The following KCNQ2 variants were observed in gnomAD, a reference collection of about 807,000 sequenced individuals.
The protein encoded by KCNQ2 is potassium voltage-gated channel subfamily Q member 2, also known as potassium voltage-gated channel subfamily KQT member 2.
Under a neutral mutation model 84.8 loss-of-function variants are expected in KCNQ2, and 14 were observed. The observed-to-expected ratio is 0.17, with a 90% CI of 0.11 to 0.26. The LOEUF is 0.26. Among genes scored for constraint, KCNQ2 ranks in the 10% least tolerant of loss-of-function variants. The pLI, the probability that KCNQ2 is intolerant of heterozygous loss-of-function variation, is 1.00. For missense variants in KCNQ2, 788 were observed against 1,254.0 expected, an observed-to-expected ratio of 0.63 and a Z score of 5.61; for synonymous variants, 599 against 554.1, an observed-to-expected ratio of 1.08 and a Z score of -1.14.
At chr20:63,420,855 G>C (rs1320814499) in intron 11 of KCNQ2, among the ~76,000 whole-genome samples, 1 of 152,132 alleles carries the variant, frequency 6.6e-6, no homozygotes, top group Non-Finnish European at 1.5e-5. Context: ...AAGGGATGTA[G>C]TGCAAAGGCT....
intron 4 of KCNQ2, among the ~76,000 whole-genome samples, 179 bp from the exon 5 acceptor site, chr20:63,442,710 C>CCATTAT (rs1568933929): frequency 8.5e-5 from 4 of 46,992 alleles, no homozygotes; most frequent in Non-Finnish European, 1.4e-4. Context: ...ATCACCATCA[C>CCATTAT]CACCACCACC....
In KCNQ2 at chr20:63,416,695, G is replaced by A. The variant is rs905449100; in HGVS notation, c.1302-1569C>T. Among the ~76,000 whole-genome samples, 3 of 152,124 alleles carry A rather than the reference G, an allele frequency of 2.0e-5. No homozygotes were observed. The South Asian group carries it at 6.2e-4, about 32-fold the overall frequency. On this transcript the variant is annotated intron_variant, in intron 12 of 16. Transcript: ENST00000359125. ...CCACGGCGGCTCCCCAGCCAACAGCGAGGGACTGAGGCCCCGGTCAGCAGC... is the reference window on the plus strand; with the variant it reads ...CCACGGCGGCTCCCCAGCCAACAGCAAGGGACTGAGGCCCCGGTCAGCAGC...
At position 63,472,405 on chromosome 20, in the gene KCNQ2, A is replaced by G; in HGVS notation, c.59T>C (p.Leu20Pro). 1 of 1,538,964 alleles carries G rather than the reference A, an allele frequency of 6.5e-7. No homozygotes were observed. Among genetic ancestry groups the G allele is most frequent in the Non-Finnish European group, 8.7e-7 (1 of 1,146,394 alleles). ...GTCCAGCCCCACGAAGCCCACCTTCAGCTTCTTCTCCCCGCTCGGGCCGGG... is the reference window on the plus strand; with the variant it reads ...GTCCAGCCCCACGAAGCCCACCTTCGGCTTCTTCTCCCCGCTCGGGCCGGG... ...VYPGPSGEKK[L>P]KVGFVGLDPG... is the part of the protein sequence containing the mutation. The change falls in exon 1 of 17, where the codon CTG (leucine) becomes CCG (proline). Residue 20 changes from leucine to proline, a missense_variant. Coordinates refer to ENST00000359125, the MANE Select transcript of KCNQ2 (RefSeq NM_172107.4).
At chr20:63,435,832 G>A (rs2080977426) in intron 7 of KCNQ2, among the ~76,000 whole-genome samples, 1 of 152,168 alleles carries the variant, frequency 6.6e-6, no homozygotes, top group Non-Finnish European at 1.5e-5. Context: ...TCTCAGCCAG[G>A]GAGAGCTTCC....
At position 63,413,586 on chromosome 20, in the gene KCNQ2, A is replaced by G. The variant is rs1416947746; in HGVS notation, c.1632-5T>C. The G allele has an allele frequency of 1.0e-5, 11 of 1,072,932 alleles. No homozygotes were observed. The highest frequency in any genetic ancestry group is 2.4e-5 in the East Asian group (1 of 41,134). The allele number at this position is 1,072,932 out of a possible 1,614,324, so 66.5% of individuals were successfully genotyped here. A position where few individuals can be genotyped will look rare whatever the true frequency, so the allele number is the denominator to read the frequency against. ...GACACCAGGAACCGCATGACACTGC[A>G]GGGGGGTGGGTGGGGCTGTGAGCCC... On this transcript the variant is annotated splice_region_variant and splice_polypyrimidine_tract_variant and intron_variant, in intron 14 of 16. Transcript: ENST00000359125.
chr20:63,442,332 TGA>T, intron 5 of KCNQ2, 72 bp downstream of exon 5: 1 of 1,603,096 alleles, frequency 6.2e-7, no homozygotes, highest in Non-Finnish European at 8.5e-7. Context: ...GCTCAGCCAG[TGA>T]GAGCCTGGTC....
rs758276132 is a variant in KCNQ2, at chr20:63,472,271, C to T, written c.193G>A (p.Gly65Arg). The T allele has an allele frequency of 6.5e-7, 1 of 1,537,892 alleles. No homozygotes were observed. Among genetic ancestry groups the T allele is most frequent in the South Asian group, 1.2e-5 (1 of 82,400 alleles). The change falls in exon 1 of 17, where the codon GGG (glycine) becomes AGG (arginine). Residue 65 changes from glycine to arginine, a missense_variant. Gly to Arg is a moderately radical substitution (Grantham distance 125). Around this residue, in one of 8 missense-constraint regions of KCNQ2, gnomAD observed 106 missense variants for 214.8 expected, o/e 0.49. Coordinates refer to ENST00000359125, the MANE Select transcript of KCNQ2 (RefSeq NM_172107.4). The stretch of plus-strand genomic sequence containing the variant: ...AAGGCGTTGCGCTTGGGGGGCTTCC[C>T]GGCGCCCGCGCCGCCCGCGCGAGGT... ...SKPRAGGAGA[G>R]KPPKRNAFYR... is the part of the protein sequence containing the mutation.
intron 12 of KCNQ2, among the ~76,000 whole-genome samples, chr20:63,419,074 T>C (rs549749606): frequency 6.6e-6 from 1 of 151,866 alleles, no homozygotes; most frequent in South Asian, 2.1e-4. Context: ...GAGCCCACGG[T>C]GCAAAGGGGG....
At chr20:63,441,514 C>T (rs1683564328) in intron 5 of KCNQ2, among the ~76,000 whole-genome samples, 1 of 152,144 alleles carries the variant, frequency 6.6e-6, no homozygotes, top group African/African-American at 2.4e-5. Context: ...AACACCCAAT[C>T]GTAAAGATAA....
At chr20:63,441,480 T>TACCCA (rs2081160787) in intron 5 of KCNQ2, among the ~76,000 whole-genome samples, 5 of 152,086 alleles carry the variant, frequency 3.3e-5, no homozygotes, top group Non-Finnish European at 7.3e-5. Context: ...CATTTAAAAA[T>TACCCA]ATACACAAGC....
chr20:63,443,202 AT>A (rs2081287017), intron 4 of KCNQ2, among the ~76,000 whole-genome samples: 1 of 108,266 alleles, frequency 9.2e-6, no homozygotes. Context: ...CACCACCACC[AT>A]CACCACCACC....
At position 63,425,762 on chromosome 20, in the gene KCNQ2, A is replaced by T. The variant is rs1015552103; in HGVS notation, c.1218-1556T>A. Among the ~76,000 whole-genome samples the T allele has an allele frequency of 2.6e-5, 4 of 152,104 alleles. No homozygotes were observed. Among genetic ancestry groups the T allele is most frequent in the Admixed American group, 6.5e-5 (1 of 15,272 alleles). ...ATCCCACCCATTCAAAACGTCCCAA[A>T]TCCCATCCTCTGAAGTCATGACAAT... On this transcript the variant is annotated intron_variant, in intron 10 of 16. Transcript: ENST00000359125. The surrounding 1 kb of genome is among the most constrained non-coding windows in gnomAD (Gnocchi z 5.5).
intron 9 of KCNQ2, among the ~76,000 whole-genome samples, chr20:63,429,881 G>T (rs931287934): frequency 7.2e-5 from 11 of 152,184 alleles, no homozygotes; most frequent in African/African-American, 2.7e-4. Flanking sequence ...CAGCCCCAGA[G>T]GTGCCCCCAA....
In KCNQ2 at chr20:63,438,809, C is replaced by A. The variant is rs369714146; in HGVS notation, c.928-89G>T. ...GACCATGCTCTGGGGCCCCACACCC[C>A]CCCCAATTCATCAGGGTCAGACCAC... On this transcript the variant is annotated intron_variant, in intron 6 of 16. Transcript: ENST00000359125. This position sits in a 1 kb window ranked among gnomAD's most constrained non-coding sequence, Gnocchi z 5.1. The A allele has an allele frequency of 3.0e-6, 3 of 987,212 alleles. No homozygotes were observed. Among genetic ancestry groups the A allele is most frequent in the Non-Finnish European group, 3.1e-6 (2 of 638,870 alleles). 61.2% of individuals were successfully genotyped at this position (987,212 alleles called of 1,614,324 possible).
chr20:63,472,505 C>CG lies in KCNQ2; in HGVS notation c.-43dup. 1 of 1,389,774 alleles carries CG rather than the reference C, an allele frequency of 7.2e-7. No individual in the cohort carries two copies. The highest frequency in any genetic ancestry group is 9.3e-7 in the Non-Finnish European group (1 of 1,075,340). 86.1% of individuals were successfully genotyped at this position (1,389,774 alleles called of 1,614,324 possible). On this transcript the variant is annotated 5_prime_UTR_variant, in exon 1 of 17. It removes the in-frame stop codon of an upstream open reading frame in the 5' UTR. Coordinates refer to ENST00000359125, the MANE Select transcript of KCNQ2 (RefSeq NM_172107.4). Reference sequence around the variant, plus strand: ...CGCCCCGGGTCGGGCTCAGGCTCAGCGGGGGCGGAGCGCGGGGGGCGGCGC... The same window carrying CG: ...CGCCCCGGGTCGGGCTCAGGCTCAGCGGGGGGCGGAGCGCGGGGGGCGGCGC...
chr20:63,451,620 C>T (rs1168001357), intron 1 of KCNQ2, among the ~76,000 whole-genome samples: 1 of 152,200 alleles, frequency 6.6e-6, no homozygotes, highest in Non-Finnish European at 1.5e-5. Flanking sequence ...GGGACTTGGG[C>T]AAGCTCCCTT....
chr20:63,457,706 C>T (rs2081839821), intron 1 of KCNQ2, among the ~76,000 whole-genome samples: 1 of 152,248 alleles, frequency 6.6e-6, no homozygotes, highest in Non-Finnish European at 1.5e-5. Flanking sequence ...CAGCAGACGC[C>T]CAAGGCCCAC....
rs587780368 is a variant in KCNQ2 at position 63,408,500 on chromosome 20, C to T, written c.1800G>A (p.Thr600=). ...CCGGGCCCTTGGTGCGGTCCTTGTCCGTGATCGCTGGGCCCCGCCCCACGA... is the reference window on the plus strand; with the variant it reads ...CCGGGCCCTTGGTGCGGTCCTTGTCTGTGATCGCTGGGCCCCGCCCCACGA... ...DQIVGRGPAI[T]DKDRTKGPAE... The change falls in exon 16 of 17, where the codon ACG becomes ACA. Residue 600 remains threonine, a synonymous_variant. Transcript: ENST00000359125. The surrounding 1 kb of genome is among the most constrained non-coding windows in gnomAD (Gnocchi z 5.0). 49 of 1,609,322 alleles carry T rather than the reference C, an allele frequency of 3.0e-5. No homozygotes were observed. The highest frequency in any genetic ancestry group is 1.4e-4 in the South Asian group (13 of 90,444).
chr20:63,451,665 G>C (rs2081618963), intron 1 of KCNQ2, among the ~76,000 whole-genome samples: 1 of 152,270 alleles, frequency 6.6e-6, no homozygotes, highest in South Asian at 2.1e-4. Context: ...TGCTGTTCCA[G>C]GCTCGATTCA....
Sources: gnomAD v4.1 joint callset for allele counts (sites outside exome capture counted in the v4.1 genomes callset) on GRCh38, gnomAD v4.1.1 for gene constraint, gnomAD v4.1.1 regional missense constraint, Gnocchi (gnomAD v3.1) non-coding constraint, MANE v1.5 for transcripts, NCBI Gene and HGNC (gene_info 2026-07-23, HGNC 2026-07-21) for gene names.